Variants in PDXK observed in about 807,000 individuals in gnomAD.
PDXK encodes pyridoxal kinase.
In PDXK, 15 loss-of-function variants were observed where a neutral mutation model predicts 43.2. The ratio of observed to expected loss-of-function variants is 0.35; its 90% CI spans 0.23 to 0.53. The LOEUF is 0.53. Ranked by LOEUF, PDXK falls within the 20% of genes least tolerant of loss-of-function variation. The pLI, the probability that PDXK is intolerant of heterozygous loss-of-function variation, is 0.92. For synonymous variants in PDXK, 172 were observed against 165.4 expected (o/e 1.04, Z -0.31); for missense variants, 343 against 417.0 (o/e 0.82, Z 1.54).
intron 1 of PDXK, among the ~76,000 whole-genome samples, chr21:43,726,130 T>C (rs2083250818): frequency 6.6e-6 from 1 of 152,170 alleles, no homozygotes. Context: ...TCTTTCATCT[T>C]TCTCCAAGAA....
chr21:43,756,462 T>C lies in PDXK; in HGVS notation c.*399T>C. 1 of 172,930 alleles carries C rather than the reference T, an allele frequency of 5.8e-6. No homozygotes were observed. The highest frequency in any genetic ancestry group is 1.3e-4 in the South Asian group (1 of 7,576). The allele number at this position is 172,930 out of a possible 1,614,324, so 10.7% of individuals were successfully genotyped here. ...CGCGCTGGGCTGGGCCTGGGTGGCC[T>C]CTGTCTTTGCATCTCTGAGAAGGAG... On this transcript the variant is annotated 3_prime_UTR_variant, in exon 11 of 11. Coordinates refer to ENST00000291565, the MANE Select transcript of PDXK (RefSeq NM_003681.5).
Position 43,752,502 on chromosome 21 carries a change from C to T in PDXK, c.511-16C>T. 2 of 1,577,788 alleles carry T rather than the reference C, an allele frequency of 1.3e-6. No homozygotes were observed. Among genetic ancestry groups the T allele is most frequent in the Non-Finnish European group, 1.7e-6 (2 of 1,151,706 alleles). On this transcript the variant is annotated splice_polypyrimidine_tract_variant and intron_variant, in intron 7 of 10. Coordinates refer to ENST00000291565, the MANE Select transcript of PDXK (RefSeq NM_003681.5). ...ATGTGACCGGCCGTGGCTGACGCTC[C>T]CTGTGCCACTGCTAGGTGATGGACA...
Position 43,719,272 on chromosome 21 carries a change from GCGC to G in PDXK, c.-16_-14del. 7.1e-7 allele frequency: 1 copy of G among 1,406,052 alleles called. No individual in the cohort carries two copies. The highest frequency in any genetic ancestry group is 1.4e-5 in the South Asian group (1 of 69,130). 87.1% of individuals were successfully genotyped at this position (1,406,052 alleles called of 1,614,324 possible). On this transcript the variant is annotated 5_prime_UTR_variant, in exon 1 of 11. Transcript: ENST00000291565. ...GAGACCGTGCCCCCGCCTCGGCCCC[GCGC>G]CGCCGCGGCCAGGCCCGGCATGGAG...
At chr21:43,738,924 CTT>C (rs1050039643) in intron 2 of PDXK, 1 of 148,556 alleles carries the variant, frequency 6.7e-6, no homozygotes, top group South Asian at 2.2e-4. Context: ...TTTATGAACT[CTT>C]TTCTTTTTCT....
At chr21:43,720,717 G>A (rs1209641116) in intron 1 of PDXK, among the ~76,000 whole-genome samples, 1 of 152,160 alleles carries the variant, frequency 6.6e-6, no homozygotes, top group Non-Finnish European at 1.5e-5. Flanking sequence ...GATTGCTTGG[G>A]CAGAGTCAGA....
chr21:43,734,616 T>G lies in PDXK; in HGVS notation c.142+493T>G, dbSNP rs1008266953. On this transcript the variant is annotated intron_variant, in intron 2 of 10. Coordinates refer to ENST00000291565, the MANE Select transcript of PDXK (RefSeq NM_003681.5). This position sits in a 1 kb window ranked among gnomAD's most constrained non-coding sequence, Gnocchi z 5.0. The stretch of plus-strand genomic sequence containing the variant: ...GTAGGTGGTTCTGGGTTTTCTCTGT[T>G]AACAGCAGTGCTGCAGGGCCCCGTG... Among the ~76,000 whole-genome samples the G allele has an allele frequency of 6.6e-6, 1 of 152,082 alleles. No homozygotes were observed. The highest frequency in any genetic ancestry group is 2.4e-5 in the African/African-American group (1 of 41,406).
intron 1 of PDXK, among the ~76,000 whole-genome samples, chr21:43,722,642 T>C (rs1368579649): frequency 6.6e-6 from 1 of 151,476 alleles, no homozygotes; most frequent in African/African-American, 2.4e-5. Context: ...ACAAGGGTCC[T>C]TCCCGGCCTC....
intron 8 of PDXK, among the ~76,000 whole-genome samples, 164 bp downstream of exon 8, chr21:43,752,793 C>T (rs542825891): frequency 5.9e-5 from 9 of 152,294 alleles, no homozygotes; most frequent in African/African-American, 1.9e-4. Flanking sequence ...AGGTGGGATT[C>T]CCAAGACCTC....
chr21:43,746,098 T>C lies in PDXK; in HGVS notation c.351T>C (p.Gly117=). ...CTGCAGTGTGTGATCCAGTCTTGGG[T>C]GACAAGTGGGACGGCGAAGGCTCGA... ...RLVYVCDPVL[G]DKWDGEGSMY... is the part of the protein sequence containing the mutation. The change falls in exon 5 of 11, where the codon GGT becomes GGC. Residue 117 remains glycine (G), a synonymous_variant. Coordinates refer to ENST00000291565, the MANE Select transcript of PDXK (RefSeq NM_003681.5). The C allele has an allele frequency of 1.9e-6, 3 of 1,613,798 alleles. No homozygotes were observed. The highest frequency in any genetic ancestry group is 2.5e-6 in the Non-Finnish European group (3 of 1,179,694).
In PDXK at chr21:43,735,285, C is replaced by T. The variant is rs2083384193; in HGVS notation, c.142+1162C>T. Among the ~76,000 whole-genome samples the T allele has an allele frequency of 6.6e-6, 1 of 152,206 alleles. No individual in the cohort carries two copies. On this transcript the variant is annotated intron_variant, in intron 2 of 10. Transcript: ENST00000291565. This position sits in a 1 kb window ranked among gnomAD's most constrained non-coding sequence, Gnocchi z 5.3. ...TTTATTTTTCAGTGAGTGAGCTGGC[C>T]GGCTTGGACACTAAAGCAGGGTGTT...
At chr21:43,750,591 C>G in intron 7 of PDXK, 46 bp downstream of exon 7, 1 of 1,493,542 alleles carries the variant, frequency 6.7e-7, no homozygotes, top group Non-Finnish European at 9.3e-7. Context: ...GTGCCGCTCA[C>G]GGTGGGGACG....
Position 43,737,529 on chromosome 21 carries a change from C to G in PDXK, c.142+3406C>G. 1 of 1,024,938 alleles carries G rather than the reference C, an allele frequency of 9.8e-7. No individual in the cohort carries two copies. The highest frequency in any genetic ancestry group is 1.2e-6 in the Non-Finnish European group (1 of 852,772). 63.5% of individuals were successfully genotyped at this position (1,024,938 alleles called of 1,614,324 possible). ...GCGGAGCTGGAGGTCAGCGGGTGGA[C>G]GGGTTGCGCTGTCCTGGCTTTCGGA... On this transcript the variant is annotated intron_variant, in intron 2 of 10. Coordinates refer to ENST00000291565, the MANE Select transcript of PDXK (RefSeq NM_003681.5). The surrounding 1 kb of genome is among the most constrained non-coding windows in gnomAD (Gnocchi z 4.8).
chr21:43,740,330 C>G (rs564590980), intron 2 of PDXK, among the ~76,000 whole-genome samples: 1 of 152,274 alleles, frequency 6.6e-6, no homozygotes, highest in East Asian at 1.9e-4. Context: ...TTCAGGGGAT[C>G]TTAGCCACAG....
intron 8 of PDXK, 37 bp downstream of exon 8, chr21:43,752,666 T>G: frequency 8.0e-7 from 1 of 1,253,712 alleles, no homozygotes; most frequent in South Asian, 1.2e-5. Context: ...CCGCCTCTGC[T>G]CTTCCCAGAG....
rs199991664 is a variant in PDXK, at chr21:43,743,813, C to T, written c.331+6C>T. 94 of 1,605,884 alleles carry T rather than the reference C, an allele frequency of 5.9e-5. No homozygotes were observed. The East Asian group carries it at 1.9e-3, about 32-fold the overall frequency. On this transcript the variant is annotated splice_donor_region_variant and intron_variant, in intron 4 of 10. Coordinates refer to ENST00000291565, the MANE Select transcript of PDXK (RefSeq NM_003681.5). ...GAACCCCAGGCTGGTGTACGGTAGG[C>T]AGGGGCCCACCCTCGGGTCTGGCTG... is the stretch of plus-strand genomic sequence containing the variant.
intron 2 of PDXK, among the ~76,000 whole-genome samples, chr21:43,740,505 G>A (rs1265588919): frequency 6.6e-6 from 1 of 152,014 alleles, no homozygotes; most frequent in African/African-American, 2.4e-5. Flanking sequence ...GATGTGAGGC[G>A]TTTCTCATGG....
intron 6 of PDXK, among the ~76,000 whole-genome samples, chr21:43,750,039 G>C (rs770128369): frequency 3.9e-4 from 59 of 152,208 alleles, no homozygotes; most frequent in African/African-American, 6.8e-4. Context: ...TTCACGCAGG[G>C]GTGGGGGCGC....
At chr21:43,751,059 G>T (rs1000577604) in intron 7 of PDXK, among the ~76,000 whole-genome samples, 8 of 152,232 alleles carry the variant, frequency 5.3e-5, no homozygotes, top group Non-Finnish European at 1.2e-4. Context: ...GATTTGCAGG[G>T]CCAGCTGTTG....
At chr21:43,747,538 G>A (rs575317103) in intron 5 of PDXK, among the ~76,000 whole-genome samples, 6 of 152,338 alleles carry the variant, frequency 3.9e-5, no homozygotes, top group South Asian at 2.1e-4. Flanking sequence ...TGTGCTCAGC[G>A]TCTGTCTGTC....
Sources: allele counts gnomAD v4.1 joint callset (sites outside exome capture counted in the v4.1 genomes callset), GRCh38; gene constraint gnomAD v4.1.1; non-coding constraint Gnocchi (gnomAD v3.1); transcripts MANE v1.5; gene names NCBI Gene and HGNC (gene_info 2026-07-23, HGNC 2026-07-21).